The following PPM1E variants were observed in gnomAD, a reference collection of about 807,000 sequenced individuals.
PPM1E encodes the protein protein phosphatase, Mg2+/Mn2+ dependent 1E, also known as protein phosphatase 1E.
PPM1E carries 20 observed loss-of-function variants against 65.9 expected under a neutral mutation model. The ratio of observed to expected loss-of-function variants is 0.30; its 90% CI spans 0.21 to 0.44. PPM1E has a LOEUF of 0.44. PPM1E is among the 20% of genes least tolerant of loss of function. PPM1E has a pLI of 1.00. For missense variants in PPM1E, 713 were observed against 953.1 expected, an observed-to-expected ratio of 0.75 and a Z score of 3.32; for synonymous variants, 352 against 374.9, an observed-to-expected ratio of 0.94 and a Z score of 0.70.
At chr17:58,820,467 C>T (rs1386446645) in intron 1 of PPM1E, among the ~76,000 whole-genome samples, 1 of 152,120 alleles carries the variant, frequency 6.6e-6, no homozygotes, top group African/African-American at 2.4e-5. Flanking sequence ...TGTGCTAAGC[C>T]ATGTTCAGGA....
intron 1 of PPM1E, among the ~76,000 whole-genome samples, chr17:58,938,610 A>G (rs1017474002): frequency 1.3e-5 from 2 of 152,112 alleles, no homozygotes; most frequent in East Asian, 1.9e-4. Flanking sequence ...ATATCTACAT[A>G]TAGGTAACAA....
At chr17:58,844,754 A>G (rs1024497607) in intron 1 of PPM1E, among the ~76,000 whole-genome samples, 1 of 152,236 alleles carries the variant, frequency 6.6e-6, no homozygotes, top group African/African-American at 2.4e-5. Flanking sequence ...AAAAGATATC[A>G]GCAATCAATC....
intron 1 of PPM1E, among the ~76,000 whole-genome samples, chr17:58,897,281 G>A (rs966395634): frequency 3.9e-5 from 6 of 152,156 alleles, no homozygotes; most frequent in Middle Eastern, 3.4e-3. Flanking sequence ...GGGCATGGTG[G>A]TGGGCGCCTG....
chr17:58,854,818 G>C (rs985298117), intron 1 of PPM1E, among the ~76,000 whole-genome samples: 32 of 152,080 alleles, frequency 2.1e-4, no homozygotes, highest in Non-Finnish European at 1.6e-4. Flanking sequence ...TTTGTCTCAT[G>C]GTCATGATTT....
chr17:58,871,299 C>A (rs1479175149), intron 1 of PPM1E, among the ~76,000 whole-genome samples: 1 of 152,074 alleles, frequency 6.6e-6, no homozygotes, highest in South Asian at 2.1e-4. Flanking sequence ...CTTGGCCTCC[C>A]AAAGTGCTGG....
chr17:58,949,795 A>G (rs2052211772), intron 1 of PPM1E, among the ~76,000 whole-genome samples: 1 of 152,054 alleles, frequency 6.6e-6, no homozygotes, highest in Non-Finnish European at 1.5e-5. Context: ...GGACTAGACT[A>G]GTGGTGATGA....
At chr17:58,973,832 G>T (rs978878459) in intron 6 of PPM1E, among the ~76,000 whole-genome samples, 4 of 151,528 alleles carry the variant, frequency 2.6e-5, no homozygotes, top group African/African-American at 9.7e-5. Flanking sequence ...CACGTCTGTA[G>T]TCCCAGCTAC....
chr17:58,810,565 G>A (rs2050356961), intron 1 of PPM1E, among the ~76,000 whole-genome samples: 1 of 152,120 alleles, frequency 6.6e-6, no homozygotes, highest in African/African-American at 2.4e-5. Flanking sequence ...TTTTTGTGAT[G>A]TTAAGATTGG....
intron 1 of PPM1E, among the ~76,000 whole-genome samples, chr17:58,824,855 G>A (rs151053676): frequency 3.3e-5 from 5 of 150,848 alleles, no homozygotes; most frequent in East Asian, 2.0e-4. Flanking sequence ...TGATCCGCCC[G>A]CCTCGGCCTC....
intron 1 of PPM1E, among the ~76,000 whole-genome samples, chr17:58,808,803 G>T (rs1471333048): frequency 6.6e-6 from 1 of 151,934 alleles, no homozygotes; most frequent in Non-Finnish European, 1.5e-5. Flanking sequence ...ACACTTGTTG[G>T]CAGTCACTCC....
chr17:58,844,643 T>G (rs1289053815), intron 1 of PPM1E, among the ~76,000 whole-genome samples: 2 of 152,246 alleles, frequency 1.3e-5, no homozygotes, highest in Non-Finnish European at 2.9e-5. Context: ...GTCACTAAAC[T>G]AATTATTTCC....
intron 1 of PPM1E, among the ~76,000 whole-genome samples, chr17:58,934,557 G>A (rs551282989): frequency 6.6e-6 from 1 of 152,236 alleles, no homozygotes; most frequent in African/African-American, 2.4e-5. Flanking sequence ...CACTGATCTG[G>A]GCACTAGACA....
intron 1 of PPM1E, among the ~76,000 whole-genome samples, chr17:58,933,999 G>A (rs572762727): frequency 1.3e-5 from 2 of 149,824 alleles, no homozygotes; most frequent in African/African-American, 2.5e-5. Flanking sequence ...GGAGGCTGAC[G>A]CAGGAGAATC....
At chr17:58,792,912 C>A (rs1399639053) in intron 1 of PPM1E, among the ~76,000 whole-genome samples, 1 of 151,594 alleles carries the variant, frequency 6.6e-6, no homozygotes, top group Non-Finnish European at 1.5e-5. Flanking sequence ...CGCCACCACA[C>A]CCAGCTAATT....
intron 1 of PPM1E, among the ~76,000 whole-genome samples, chr17:58,858,320 T>C (rs1314793257): frequency 1.3e-5 from 2 of 152,180 alleles, no homozygotes; most frequent in African/African-American, 4.8e-5. Context: ...TTGGAAACAT[T>C]CAGTATCCTC....
chr17:58,798,986 T>C (rs545981562), intron 1 of PPM1E, among the ~76,000 whole-genome samples: 1 of 152,284 alleles, frequency 6.6e-6, no homozygotes, highest in African/African-American at 2.4e-5. Context: ...TGAACCACTG[T>C]GCCCAGCCCT....
chr17:58,822,326 T>TTTTATTTA (rs143533991), intron 1 of PPM1E, among the ~76,000 whole-genome samples: 326 of 142,002 alleles, frequency 2.3e-3, no homozygotes, highest in Non-Finnish European at 3.6e-3. Context: ...CTGAATTTAT[T>TTTTATTTA]TTTATTTATT....
At chr17:58,766,707 T>C (rs939321846) in intron 1 of PPM1E, among the ~76,000 whole-genome samples, 1 of 152,114 alleles carries the variant, frequency 6.6e-6, no homozygotes, top group Non-Finnish European at 1.5e-5. Context: ...TGCAATCTAA[T>C]ATGTTATTAC....
In PPM1E at chr17:58,878,659, G is replaced by A. The variant is rs187102848; in HGVS notation, c.465-76990G>A. ...GAAAACTAACTTTTGCTGGCCAGGC[G>A]TGGTGGCTCACACCTGTAATCCCAG... On this transcript the variant is annotated intron_variant, in intron 1 of 6. Transcript: ENST00000308249. Among the ~76,000 whole-genome samples, 46 of 151,590 alleles carry A rather than the reference G, an allele frequency of 3.0e-4. No individual in the cohort carries two copies. The East Asian group carries it at 4.7e-3, about 15-fold the overall frequency.
Sources: allele counts gnomAD v4.1 joint callset (sites outside exome capture counted in the v4.1 genomes callset), GRCh38; gene constraint gnomAD v4.1.1; transcripts MANE v1.5; gene names NCBI Gene and HGNC (gene_info 2026-07-23, HGNC 2026-07-21).